The following DCAF6 variants were observed in gnomAD, a reference collection of about 807,000 sequenced individuals.
DCAF6 encodes the protein DDB1 and CUL4 associated factor 6, also known as DDB1- and CUL4-associated factor 6.
A neutral mutation model predicts 125.1 loss-of-function variants in DCAF6; 54 were observed. The observed-to-expected ratio is 0.43, with a 90% CI of 0.35 to 0.54. DCAF6 has a LOEUF of 0.54. Among genes scored for constraint, DCAF6 ranks in the 20% least tolerant of loss-of-function variants. DCAF6 has a pLI of 0.01. For synonymous variants in DCAF6, 371 were observed against 390.4 expected (o/e 0.95, Z 0.58); for missense variants, 934 against 1,161.7 (o/e 0.80, Z 2.85).
intron 7 of DCAF6, 35 bp downstream of exon 7, chr1:167,993,475 C>T (rs930933029): frequency 8.9e-6 from 14 of 1,577,996 alleles, no homozygotes; most frequent in South Asian, 4.5e-5. Flanking sequence ...TTTGGCCGGG[C>T]GCGGTGGCTC....
At chr1:167,907,241 A>G in the DCAF6 span, among the ~76,000 whole-genome samples, 3,220 of 152,360 alleles carry the variant, frequency 0.021, 100 homozygotes, top group African/African-American at 0.069. Flanking sequence ...GAGGCTACTC[A>G]TGGATCCCAG....
chr1:168,042,564 G>A (rs558022500), intron 13 of DCAF6, among the ~76,000 whole-genome samples: 3 of 151,916 alleles, frequency 2.0e-5, no homozygotes, highest in Non-Finnish European at 2.9e-5. Flanking sequence ...TCCACAGGGA[G>A]CAGTTCAAAA....
At chr1:168,045,333 A>T in intron 16 of DCAF6, 106 bp downstream of exon 16, 1 of 965,554 alleles carries the variant, frequency 1.0e-6, no homozygotes, top group Non-Finnish European at 1.5e-6. Context: ...GCTTCCTCTA[A>T]GAGTGTCTCA....
chr1:167,952,511 T>C (rs58989856), intron 2 of DCAF6, among the ~76,000 whole-genome samples: 20,612 of 152,148 alleles, frequency 0.14, 1,824 homozygotes, highest in African/African-American at 0.25. Flanking sequence ...CCACTGTGCC[T>C]GTCCCATATC....
chr1:168,051,008 C>A, intron 17 of DCAF6, 75 bp downstream of exon 17: 2 of 697,256 alleles, frequency 2.9e-6, no homozygotes, highest in Non-Finnish European at 4.4e-6. Flanking sequence ...CAGCTAACCA[C>A]CTTTCCTATT....
At chr1:167,898,816 T>C in the DCAF6 span, among the ~76,000 whole-genome samples, 26 of 152,144 alleles carry the variant, frequency 1.7e-4, no homozygotes, top group Non-Finnish European at 1.2e-4. Flanking sequence ...CGTAGTCCCA[T>C]TCCTTTGGCT....
chr1:167,955,791 C>A (rs1674683556), intron 2 of DCAF6, among the ~76,000 whole-genome samples: 2 of 152,160 alleles, frequency 1.3e-5, no homozygotes, highest in Admixed American at 1.3e-4. Flanking sequence ...AACAGGGTCT[C>A]CCTCTGTTTC....
the DCAF6 span, among the ~76,000 whole-genome samples, chr1:167,897,349 T>G: frequency 1.1e-4 from 16 of 149,352 alleles, no homozygotes; most frequent in African/African-American, 3.7e-4. Context: ...AAAAAAAAAT[T>G]AGCCAGGTGT....
At position 167,991,407 on chromosome 1, in the gene DCAF6, A is replaced by C; in HGVS notation, c.688+68A>C. 3 of 1,424,056 alleles carry C rather than the reference A, an allele frequency of 2.1e-6. No homozygotes were observed. In the South Asian group the frequency reaches 4.7e-5, roughly 22 times the overall value. The allele number at this position is 1,424,056 out of a possible 1,614,324, so 88.2% of individuals were successfully genotyped here. ...AAGAGTAAATCTCTATGACATTTTC[A>C]GTTTTAAAATTTCTTGTTTGTTATA... On this transcript the variant is annotated intron_variant, in intron 6 of 21. Transcript: ENST00000367840.
Position 168,004,652 on chromosome 1 carries a change from A to G in DCAF6, c.1237A>G (p.Thr413Ala), listed in dbSNP as rs778571242. Reference sequence around the variant, plus strand: ...AGCTGAACAATTTCTTCAGCCTTCTACATCCTCTACAATGTCAGCTCAGGC... The same window carrying G: ...AGCTGAACAATTTCTTCAGCCTTCTGCATCCTCTACAATGTCAGCTCAGGC... ...TPAEQFLQPS[T>A]SSTMSAQAHS... is the part of the protein sequence containing the mutation. The change falls in exon 10 of 22, where the codon ACA becomes GCA. Residue 413 changes from threonine to alanine, a missense_variant. By Grantham distance (58) the Thr-to-Ala change is moderately conservative. This residue lies in a region of DCAF6 where 559 missense variants were observed against 635.5 expected (regional missense o/e 0.88). Transcript: ENST00000367840. 1.2e-5 allele frequency: 20 copies of G among 1,613,784 alleles called. No homozygotes were observed. In the African/African-American group the frequency reaches 1.6e-4, roughly 13 times the overall value.
the DCAF6 span, among the ~76,000 whole-genome samples, chr1:167,929,737 T>A: frequency 1.3e-5 from 2 of 152,172 alleles, no homozygotes; most frequent in East Asian, 3.8e-4. Flanking sequence ...AGACTAACTT[T>A]TTGGAACAGA....
At chr1:167,998,327 T>C (rs1453466637) in intron 7 of DCAF6, among the ~76,000 whole-genome samples, 1 of 152,178 alleles carries the variant, frequency 6.6e-6, no homozygotes, top group African/African-American at 2.4e-5. Flanking sequence ...CAGTAAGTTG[T>C]ATTCTTTTTG....
chr1:168,063,738 C>A lies in DCAF6; in HGVS notation c.2418C>A (p.Gly806=), dbSNP rs35293301. The A allele has an allele frequency of 1.8e-4, 283 of 1,605,424 alleles. 1 individual carries two copies. Among genetic ancestry groups the A allele is most frequent in the Non-Finnish European group, 7.8e-5 (92 of 1,176,996 alleles). The change falls in exon 18 of 22, where the codon GGC becomes GGA. Residue 806 remains glycine, a synonymous_variant. Transcript: ENST00000367840. ...CGCTAGTAAAAATGGTTTATAAAGG[C>A]CATCGCAACTCCAGGACAATGGTAC... is the stretch of plus-strand genomic sequence containing the variant. ...RRPLVKMVYK[G]HRNSRTMIKE...
chr1:167,927,984 A>G, the DCAF6 span, among the ~76,000 whole-genome samples: 19,742 of 152,192 alleles, frequency 0.13, 1,630 homozygotes, highest in African/African-American at 0.23. Context: ...TGAGATACTA[A>G]AAGATGTGGA....
At chr1:168,039,743 ATG>A (rs1688275750) in intron 13 of DCAF6, among the ~76,000 whole-genome samples, 1 of 148,656 alleles carries the variant, frequency 6.7e-6, no homozygotes, top group African/African-American at 2.4e-5. Flanking sequence ...ACTATAATAT[ATG>A]TAATATAATA....
At chr1:167,980,776 C>T (rs558268536) in intron 4 of DCAF6, among the ~76,000 whole-genome samples, 160 of 152,104 alleles carry the variant, frequency 1.1e-3, no homozygotes, top group Non-Finnish European at 1.8e-3. Context: ...TATTTTCACC[C>T]GTTCCATGGA....
chr1:168,021,538 C>T (rs1170692461), intron 11 of DCAF6, among the ~76,000 whole-genome samples: 1 of 152,136 alleles, frequency 6.6e-6, no homozygotes, highest in African/African-American at 2.4e-5. Flanking sequence ...GATTAGGGAA[C>T]TGATTGAAAT....
At chr1:167,902,299 G>C in the DCAF6 span, among the ~76,000 whole-genome samples, 1 of 152,178 alleles carries the variant, frequency 6.6e-6, no homozygotes, top group South Asian at 2.1e-4. Context: ...AAAGACAGGA[G>C]AAAGGCAGCT....
rs138263364 is a variant in DCAF6, at chr1:168,004,559, A to G, written c.1144A>G (p.Thr382Ala). The G allele has an allele frequency of 2.1e-4, 332 of 1,612,496 alleles. 2 individuals are homozygous for G. The East Asian group carries it at 6.7e-3, about 33-fold the overall frequency. The change falls in exon 10 of 22, where the codon ACT becomes GCT. Residue 382 changes from threonine to alanine, a missense_variant. Transcript: ENST00000367840. ...TGGAACAAGTCAATCAGATATTTCA[A>G]CTCTTCCTACGGTCCCATCAAGTCC... ...RGGTSQSDIS[T>A]LPTVPSSPDL...
Sources: gnomAD v4.1 joint callset for allele counts (sites outside exome capture counted in the v4.1 genomes callset) on GRCh38, gnomAD v4.1.1 for gene constraint, gnomAD v4.1.1 regional missense constraint, MANE v1.5 for transcripts, NCBI Gene and HGNC (gene_info 2026-07-23, HGNC 2026-07-21) for gene names.